The following ASB5 variants were observed in gnomAD, a reference collection of about 807,000 sequenced individuals.
The protein encoded by ASB5 is ankyrin repeat and SOCS box containing 5.
In ASB5, 45 loss-of-function variants were observed where a neutral mutation model predicts 42.1. The observed-to-expected ratio is 1.07, with a 90% CI of 0.84 to 1.37. The LOEUF (loss-of-function observed/expected upper bound fraction) is 1.37. Among genes scored for constraint, ASB5 ranks in the 40% most tolerant of loss-of-function variants. The probability of loss-of-function intolerance (pLI) is 0.00; values close to 1 mark genes in which losing one functional copy is unlikely to be tolerated. For synonymous variants in ASB5, 147 were observed against 150.6 expected, an observed-to-expected ratio of 0.98 and a Z score of 0.18; for missense variants, 402 against 399.8, an observed-to-expected ratio of 1.01 and a Z score of -0.05.
chr4:176,242,675 C>G lies in ASB5; in HGVS notation c.197-17334G>C, dbSNP rs567974977. 3.9e-5 allele frequency among the ~76,000 whole-genome samples: 6 copies of G among 152,226 alleles called. No individual in the cohort carries two copies. The South Asian group carries it at 1.2e-3, about 32-fold the overall frequency. On this transcript the variant is annotated intron_variant, in intron 1 of 6. Transcript: ENST00000296525. ...GACAGAGGTTGTCTGTCCAAAGAAC[C>G]AGCTTTTGGCTTTGTTGATTCTTCC...
intron 1 of ASB5, among the ~76,000 whole-genome samples, chr4:176,264,462 G>T (rs888169142): frequency 2.2e-4 from 34 of 152,260 alleles, no homozygotes; most frequent in African/African-American, 7.7e-4. Context: ...TCTTTCTGTG[G>T]TCAGATCAAG....
At chr4:176,253,722 C>A (rs144407208) in intron 1 of ASB5, among the ~76,000 whole-genome samples, 15 of 152,266 alleles carry the variant, frequency 9.9e-5, no homozygotes, top group East Asian at 7.7e-4. Context: ...CAAAAATCAG[C>A]AGCATTTCTA....
intron 1 of ASB5, among the ~76,000 whole-genome samples, chr4:176,263,176 T>C (rs78070804): frequency 0.03 from 4,581 of 152,236 alleles, 274 homozygotes; most frequent in East Asian, 0.28. Flanking sequence ...AGTCTTACCA[T>C]GTGATCTCTG....
At chr4:176,276,632 T>A (rs1754568073) in intron 1 of ASB5, among the ~76,000 whole-genome samples, 1 of 152,196 alleles carries the variant, frequency 6.6e-6, no homozygotes, top group Non-Finnish European at 1.5e-5. Flanking sequence ...AGCAGATATT[T>A]TGGGTTTTAG....
At chr4:176,250,463 T>A (rs1754011286) in intron 1 of ASB5, among the ~76,000 whole-genome samples, 1 of 152,260 alleles carries the variant, frequency 6.6e-6, no homozygotes, top group Admixed American at 6.5e-5. Context: ...AAGTGTGGGC[T>A]GTCTCCCATC....
chr4:176,254,168 C>A (rs1389046051), intron 1 of ASB5, among the ~76,000 whole-genome samples: 6 of 152,156 alleles, frequency 3.9e-5, no homozygotes, highest in Admixed American at 3.3e-4. Context: ...CCAAACTATA[C>A]TCTAAGGCTA....
At chr4:176,243,065 C>T (rs563882218) in intron 1 of ASB5, among the ~76,000 whole-genome samples, 16 of 152,126 alleles carry the variant, frequency 1.1e-4, no homozygotes, top group East Asian at 9.6e-4. Context: ...TGAAACTGTA[C>T]GCAACTAGTC....
Position 176,217,022 on chromosome 4 carries a change from C to A in ASB5, c.671-13G>T, listed in dbSNP as rs191176449. 1 of 1,560,428 alleles carries A rather than the reference C, an allele frequency of 6.4e-7. No individual in the cohort carries two copies. Among genetic ancestry groups the A allele is most frequent in the Middle Eastern group, 1.7e-4 (1 of 5,818 alleles). Reference sequence around the variant, plus strand: ...TGTACGTCAGCACCTACATGTAATACGGAGTGAAGATAAATATAAATAAAA... The same window carrying A: ...TGTACGTCAGCACCTACATGTAATAAGGAGTGAAGATAAATATAAATAAAA... On this transcript the variant is annotated splice_polypyrimidine_tract_variant and intron_variant, in intron 5 of 6. Transcript: ENST00000296525.
Position 176,215,671 on chromosome 4 carries a change from T to C in ASB5, c.919A>G (p.Lys307Glu). The C allele has an allele frequency of 1.2e-6, 2 of 1,613,410 alleles. No homozygotes were observed. The highest frequency in any genetic ancestry group is 1.7e-6 in the Non-Finnish European group (2 of 1,179,550). The change falls in exon 7 of 7, where the codon AAA (lysine) becomes GAA (glutamate). Residue 307 changes from lysine to glutamate, a missense_variant. Coordinates refer to ENST00000296525, the MANE Select transcript of ASB5 (RefSeq NM_080874.4). ...CRLCIRSYIG[K>E]PRLHLIPQLQ... ...TGTGGGATAAGGTGCAATCTTGGTT[T>C]TCCTATGTAGCTTCGGATACAGAGT...
At chr4:176,260,153 A>G (rs1754229950) in intron 1 of ASB5, among the ~76,000 whole-genome samples, 1 of 152,206 alleles carries the variant, frequency 6.6e-6, no homozygotes, top group South Asian at 2.1e-4. Context: ...AAAAATTATT[A>G]CTATTTTAAA....
chr4:176,274,338 T>C (rs750035916), intron 2 of ASB5, among the ~76,000 whole-genome samples: 2 of 152,160 alleles, frequency 1.3e-5, no homozygotes, highest in Non-Finnish European at 2.9e-5. Context: ...CAATTTGAAT[T>C]GAGGGCTTCT....
At chr4:176,270,760 T>C (rs1024999180), upstream of ASB5, among the ~76,000 whole-genome samples, 2 of 152,112 alleles carry the variant, frequency 1.3e-5, no homozygotes, top group Admixed American at 6.6e-5. Flanking sequence ...GTTGAGTCAA[T>C]ACATGCTGAT....
intron 1 of ASB5, among the ~76,000 whole-genome samples, chr4:176,263,360 A>C (rs1754298986): frequency 1.1e-5 from 1 of 92,044 alleles, no homozygotes; most frequent in Non-Finnish European, 2.6e-5. Flanking sequence ...TAATACATTA[A>C]AATTTGACAG....
chr4:176,228,901 T>C (rs1579316885), intron 1 of ASB5, among the ~76,000 whole-genome samples: 1 of 152,332 alleles, frequency 6.6e-6, no homozygotes, highest in African/African-American at 2.4e-5. Context: ...AACAACATGA[T>C]TGCAGAATGA....
intron 1 of ASB5, chr4:176,237,613 T>C (rs1293659209): frequency 1.0e-6 from 1 of 977,872 alleles, no homozygotes; most frequent in Non-Finnish European, 1.2e-6. Context: ...GGCTGGTAGG[T>C]GCAATGTGGA....
intron 1 of ASB5, among the ~76,000 whole-genome samples, chr4:176,268,477 A>G (rs1754403181): frequency 6.6e-6 from 1 of 152,164 alleles, no homozygotes; most frequent in African/African-American, 2.4e-5. Context: ...CTTTTTAATA[A>G]CAATTATTTT....
At chr4:176,242,533 CATT>C (rs1753831258) in intron 1 of ASB5, among the ~76,000 whole-genome samples, 1 of 152,114 alleles carries the variant, frequency 6.6e-6, no homozygotes, top group Admixed American at 6.5e-5. Flanking sequence ...AAATTATTGG[CATT>C]ATGTTGTTAT....
chr4:176,246,377 A>G (rs1041698719), intron 1 of ASB5, among the ~76,000 whole-genome samples: 9 of 152,222 alleles, frequency 5.9e-5, no homozygotes, highest in African/African-American at 2.2e-4. Flanking sequence ...CAGACCACCT[A>G]TCAGATACAT....
chr4:176,228,629 T>C (rs1417912175), intron 1 of ASB5, among the ~76,000 whole-genome samples: 1 of 152,226 alleles, frequency 6.6e-6, no homozygotes, highest in Non-Finnish European at 1.5e-5. Context: ...TATGTATTAC[T>C]TCTTTCTACT....
Sources: allele counts gnomAD v4.1 joint callset (sites outside exome capture counted in the v4.1 genomes callset), GRCh38; gene constraint gnomAD v4.1.1; transcripts MANE v1.5; gene names NCBI Gene and HGNC (gene_info 2026-07-23, HGNC 2026-07-21).